Variants in AGTPBP1 observed in about 807,000 individuals in gnomAD.
AGTPBP1 encodes the protein cytosolic carboxypeptidase 1.
AGTPBP1 carries 70 observed loss-of-function variants against 143.9 expected under a neutral mutation model. That is an observed-to-expected ratio of 0.49 (90% CI 0.40 to 0.59). The LOEUF (loss-of-function observed/expected upper bound fraction) is 0.59. Ranked by LOEUF, AGTPBP1 falls within the 20% of genes least tolerant of loss-of-function variation. AGTPBP1 has a pLI of 0.00. For missense variants in AGTPBP1, 1,229 were observed against 1,464.5 expected, an observed-to-expected ratio of 0.84 and a Z score of 2.62; for synonymous variants, 463 against 500.2, an observed-to-expected ratio of 0.93 and a Z score of 0.99.
At chr9:85,724,347 T>C (rs981921804) in intron 1 of AGTPBP1, among the ~76,000 whole-genome samples, 5 of 151,776 alleles carry the variant, frequency 3.3e-5, no homozygotes, top group Admixed American at 1.3e-4. Flanking sequence ...ACCTACTCTA[T>C]GGTATTTTGC....
intron 12 of AGTPBP1, among the ~76,000 whole-genome samples, chr9:85,644,212 CATT>C (rs1832672531): frequency 6.6e-6 from 1 of 151,604 alleles, no homozygotes; most frequent in Non-Finnish European, 1.5e-5. Flanking sequence ...ATCACTGTAT[CATT>C]ATTGTATACT....
chr9:85,797,831 G>T, the AGTPBP1 span, among the ~76,000 whole-genome samples: 1 of 152,314 alleles, frequency 6.6e-6, no homozygotes, highest in Non-Finnish European at 1.5e-5. Flanking sequence ...TTGATCTAGA[G>T]AATTCTCTTT....
chr9:85,672,949 G>C (rs1834583924), intron 6 of AGTPBP1, among the ~76,000 whole-genome samples: 1 of 151,814 alleles, frequency 6.6e-6, no homozygotes, highest in Non-Finnish European at 1.5e-5. Context: ...TGGCCAGGCT[G>C]GTCTGAAACT....
At chr9:85,584,811 C>A (rs989502430) in intron 23 of AGTPBP1, among the ~76,000 whole-genome samples, 1 of 152,146 alleles carries the variant, frequency 6.6e-6, no homozygotes, top group Non-Finnish European at 1.5e-5. Flanking sequence ...ACATTTCACA[C>A]CTAGGTGAAG....
chr9:85,619,044 T>C lies in AGTPBP1; in HGVS notation c.2274A>G (p.Pro758=). 6.2e-7 allele frequency: 1 copy of C among 1,613,914 alleles called. No individual in the cohort carries two copies. Among genetic ancestry groups the C allele is most frequent in the Non-Finnish European group, 8.5e-7 (1 of 1,179,878 alleles). The part of the protein sequence containing the change: ...WFYFEVSGMR[P]GVAYRFNIIN... ...TGATGTTAAACCTGTAAGCAACACC[T>C]GGTCGCATTCCACTGACTTCAAAGT... The change falls in exon 17 of 26, where the codon CCA becomes CCG. Residue 758 remains proline (P), a synonymous_variant. Transcript: ENST00000357081.
At chr9:85,630,995 T>G (rs762644564) in intron 14 of AGTPBP1, among the ~76,000 whole-genome samples, 1 of 152,182 alleles carries the variant, frequency 6.6e-6, no homozygotes, top group Non-Finnish European at 1.5e-5. Context: ...GTTCCACACA[T>G]AGTCAACCCA....
At chr9:85,688,857 T>C (rs1050522277) in intron 3 of AGTPBP1, among the ~76,000 whole-genome samples, 2 of 152,202 alleles carry the variant, frequency 1.3e-5, no homozygotes, top group Non-Finnish European at 2.9e-5. Flanking sequence ...GAAACAAAAT[T>C]AGCTTACCTT....
Position 85,663,508 on chromosome 9 carries a change from T to C in AGTPBP1, c.663-2535A>G, listed in dbSNP as rs138034360. Among the ~76,000 whole-genome samples, 132 of 150,896 alleles carry C rather than the reference T, an allele frequency of 8.7e-4. No homozygotes were observed. In the Middle Eastern group the frequency reaches 0.01, roughly 12 times the overall value. The stretch of plus-strand genomic sequence containing the variant: ...CCCAGAAAAACCTCAAGAATATTTA[T>C]AGAAATACAAAAATATCCAGCACTC... On this transcript the variant is annotated intron_variant, in intron 8 of 25. Transcript: ENST00000357081.
intron 25 of AGTPBP1, among the ~76,000 whole-genome samples, chr9:85,556,353 G>C (rs1411193077): frequency 6.6e-6 from 1 of 151,832 alleles, no homozygotes; most frequent in Admixed American, 6.6e-5. Context: ...AAAGAGAATG[G>C]AACAAGCTTA....
chr9:85,625,161 C>A (rs572291322), intron 14 of AGTPBP1, among the ~76,000 whole-genome samples: 64 of 152,202 alleles, frequency 4.2e-4, no homozygotes, highest in Admixed American at 1.6e-3. Flanking sequence ...ACATATCTCA[C>A]AAATTCCCAG....
chr9:85,577,344 T>C (rs1309417036), intron 24 of AGTPBP1, among the ~76,000 whole-genome samples: 1 of 152,234 alleles, frequency 6.6e-6, no homozygotes, highest in Non-Finnish European at 1.5e-5. Flanking sequence ...ATAAATCACA[T>C]AGTCCAAGGT....
chr9:85,613,802 G>A (rs570444096), intron 17 of AGTPBP1, among the ~76,000 whole-genome samples: 101 of 152,036 alleles, frequency 6.6e-4, no homozygotes, highest in African/African-American at 2.4e-3. Context: ...GATAGTTCTC[G>A]AAAAAGAAAC....
At chr9:85,763,958 G>C in the AGTPBP1 span, among the ~76,000 whole-genome samples, 2 of 151,856 alleles carry the variant, frequency 1.3e-5, no homozygotes, top group Non-Finnish European at 2.9e-5. Flanking sequence ...CATAAATCTG[G>C]CCATATTTTC....
the AGTPBP1 span, among the ~76,000 whole-genome samples, chr9:85,773,255 A>C: frequency 1.4e-5 from 1 of 73,082 alleles, no homozygotes; most frequent in Admixed American, 1.8e-4. Flanking sequence ...ACAGAGAGAG[A>C]CTCCTTCTCA....
At chr9:85,612,163 C>G (rs1051515325) in intron 17 of AGTPBP1, among the ~76,000 whole-genome samples, 4 of 152,072 alleles carry the variant, frequency 2.6e-5, no homozygotes, top group Non-Finnish European at 5.9e-5. Flanking sequence ...CTTAGAACTT[C>G]CTGGTGATAG....
rs1004280752 is a variant in AGTPBP1 at position 85,691,946 on chromosome 9, G to A, written c.157+743C>T. Among the ~76,000 whole-genome samples, 9 of 152,020 alleles carry A rather than the reference G, an allele frequency of 5.9e-5. 1 individual carries two copies. The highest frequency in any genetic ancestry group is 3.4e-3 in the Middle Eastern group (1 of 294). ...TTCTCATGTAAATCTCATGACAACC[G>A]TGTGATATTCGTTACCTCTACTTCA... On this transcript the variant is annotated intron_variant, in intron 3 of 25. Coordinates refer to ENST00000357081, the MANE Select transcript of AGTPBP1 (RefSeq NM_001330701.2).
chr9:85,621,054 T>C, intron 15 of AGTPBP1, 148 bp downstream of exon 15: 2 of 370,048 alleles, frequency 5.4e-6, no homozygotes, highest in Middle Eastern at 1.6e-3. Flanking sequence ...CCTAATTAAG[T>C]CACAACTAGT....
Position 85,677,555 on chromosome 9 carries a change from A to C in AGTPBP1, c.317T>G (p.Val106Gly), listed in dbSNP as rs1834908951. The C allele has an allele frequency of 6.4e-7, 1 of 1,567,026 alleles. No homozygotes were observed. Among genetic ancestry groups the C allele is most frequent in the Non-Finnish European group, 8.6e-7 (1 of 1,161,758 alleles). ...AGGGRRVSFL[V>G]TKGGSQILLQ... The stretch of plus-strand genomic sequence containing the variant: ...CAATATTTGTGAACCACCTTTGGTG[A>C]CTAAGAAACTCACTCTTCGACCTCC... The change falls in exon 6 of 26, where the codon GTC becomes GGC. Residue 106 changes from valine to glycine, a missense_variant. Around this residue, in one of 2 missense-constraint regions of AGTPBP1, gnomAD observed 743 missense variants for 812.2 expected, o/e 0.91. Coordinates refer to ENST00000357081, the MANE Select transcript of AGTPBP1 (RefSeq NM_001330701.2).
chr9:85,799,858 T>A, the AGTPBP1 span, among the ~76,000 whole-genome samples: 1 of 152,134 alleles, frequency 6.6e-6, no homozygotes, highest in Non-Finnish European at 1.5e-5. Flanking sequence ...AAAATGTTGA[T>A]GAGAGCCTCT....
Sources: allele counts gnomAD v4.1 joint callset (sites outside exome capture counted in the v4.1 genomes callset), GRCh38; gene constraint gnomAD v4.1.1; regional missense constraint gnomAD v4.1.1; transcripts MANE v1.5; gene names NCBI Gene and HGNC (gene_info 2026-07-23, HGNC 2026-07-21).